CSF1R: variants seen among roughly 807,000 people sequenced by gnomAD.
The protein encoded by CSF1R is macrophage colony-stimulating factor 1 receptor.
Under a neutral mutation model 110.0 loss-of-function variants are expected in CSF1R, and 40 were observed. The ratio of observed to expected loss-of-function variants is 0.36; its 90% CI spans 0.28 to 0.47. The LOEUF is 0.47. CSF1R is among the 20% of genes least tolerant of loss of function. CSF1R has a pLI of 0.99. For synonymous variants in CSF1R, 523 were observed against 503.4 expected (o/e 1.04, Z -0.52); for missense variants, 1,052 against 1,253.0 (o/e 0.84, Z 2.42).
At chr5:150,061,671 C>T (rs1351780159) in intron 11 of CSF1R, 52 bp downstream of exon 11, 1 of 1,614,144 alleles carries the variant, frequency 6.2e-7, no homozygotes, top group Admixed American at 1.7e-5. Context: ...CTCCCTGCAA[C>T]CCCCACAGGC....
At chr5:150,077,519 AT>A in intron 4 of CSF1R, 84 bp from the exon 5 acceptor site, 1 of 1,420,794 alleles carries the variant, frequency 7.0e-7, no homozygotes, top group Non-Finnish European at 9.7e-7. Flanking sequence ...GCCTTTAAGG[AT>A]TACTATCTGC....
At chr5:150,099,707 G>A (rs1759338573) in intron 1 of CSF1R, among the ~76,000 whole-genome samples, 1 of 150,762 alleles carries the variant, frequency 6.6e-6, no homozygotes, top group African/African-American at 2.4e-5. Context: ...GCTGCCAGGG[G>A]CTGGAGATGG....
chr5:150,069,516 T>C (rs1295111856), intron 9 of CSF1R, among the ~76,000 whole-genome samples: 9 of 152,140 alleles, frequency 5.9e-5, no homozygotes, highest in Admixed American at 5.9e-4. Context: ...CTCTGAGCTC[T>C]GGGGAGGCAC....
At position 150,057,545 on chromosome 5, in the gene CSF1R, C is replaced by T. The variant is rs1240901881; in HGVS notation, c.2180G>A (p.Arg727Lys). The change falls in exon 15 of 21, where the codon AGG becomes AAG. Residue 727 changes from arginine (R) to lysine (K), a missense_variant. Physicochemically the swap from Arg to Lys is conservative, Grantham distance 26 (BLOSUM62 2). Coordinates refer to ENST00000675795, the MANE Select transcript of CSF1R (RefSeq NM_001288705.3). ...SQGVDTYVEM[R>K]PVSTSSNDSF... ...GTCATTTGAAGAAGTGGAGACAGGC[C>T]TCATCTCCACATAGGTGTCCACACC... 1 of 1,614,232 alleles carries T rather than the reference C, an allele frequency of 6.2e-7. No homozygotes were observed. The highest frequency in any genetic ancestry group is 8.5e-7 in the Non-Finnish European group (1 of 1,180,034).
intron 10 of CSF1R, among the ~76,000 whole-genome samples, chr5:150,065,986 T>C (rs537555572): frequency 3.3e-5 from 5 of 152,294 alleles, no homozygotes; most frequent in African/African-American, 9.6e-5. Flanking sequence ...TTCAGTTCCA[T>C]GTAAGGAAGA....
Position 150,080,882 on chromosome 5 carries a change from G to A in CSF1R, c.192C>T (p.Gly64=), listed in dbSNP as rs56282370. ...TGTTGGTGCTGAGGATGCTGCTGGA[G>A]CCATCAGAGTACAGGGTCCAGTGAG... is the stretch of plus-strand genomic sequence containing the variant. ...PSPHWTLYSD[G]SSSILSTNNA... The change falls in exon 2 of 21, where the codon GGC becomes GGT. Residue 64 remains glycine, a synonymous_variant. Transcript: ENST00000675795. 8.3e-4 allele frequency: 1,342 copies of A among 1,614,166 alleles called. 24 individuals carry two copies. In the East Asian group the frequency reaches 0.028, roughly 33 times the overall value.
At chr5:150,112,588 C>A (rs1206634654) in intron 1 of CSF1R, among the ~76,000 whole-genome samples, 1 of 152,248 alleles carries the variant, frequency 6.6e-6, no homozygotes, top group African/African-American at 2.4e-5. Flanking sequence ...GGAATGTGGG[C>A]TAGTTATTTT....
In CSF1R at chr5:150,053,957, T is replaced by C; in HGVS notation, c.*112A>G. The C allele has an allele frequency of 9.1e-7, 1 of 1,093,138 alleles. No individual in the cohort carries two copies. The highest frequency in any genetic ancestry group is 1.3e-6 in the Non-Finnish European group (1 of 744,836). 67.7% of individuals were successfully genotyped at this position (1,093,138 alleles called of 1,614,324 possible). Reference sequence around the variant, plus strand: ...CCCAAGTTTCAGAGCTGGGCCGAGCTGTTGAGTGAAATGACCGAAGGCAGA... The same window carrying C: ...CCCAAGTTTCAGAGCTGGGCCGAGCCGTTGAGTGAAATGACCGAAGGCAGA... On this transcript the variant is annotated 3_prime_UTR_variant, in exon 21 of 21. Transcript: ENST00000675795.
At position 150,070,549 on chromosome 5, in the gene CSF1R, G is replaced by T; in HGVS notation, c.1105C>A (p.Pro369Thr). 4 of 1,543,598 alleles carry T rather than the reference G, an allele frequency of 2.6e-6. No homozygotes were observed. The highest frequency in any genetic ancestry group is 3.5e-6 in the Non-Finnish European group (4 of 1,143,516). Residue 369 changes from proline (P) to threonine (T), a missense_variant, in exon 7 of 21, where the codon CCC (proline) becomes ACC (threonine). By Grantham distance (38) the Pro-to-Thr change is conservative. Transcript: ENST00000675795. ...TYRHTFTLSLPRLKPSEAGRY... is the reference protein window; with the variant it reads ...TYRHTFTLSLTRLKPSEAGRY... ...CCAGCCTCAGAGGGCTTCAGGCGGGGCAGAGAGAGGGTGAAGGTGTGCCTG... is the reference window on the plus strand; with the variant it reads ...CCAGCCTCAGAGGGCTTCAGGCGGGTCAGAGAGAGGGTGAAGGTGTGCCTG...
At position 150,054,168 on chromosome 5, in the gene CSF1R, ACTGCTGCTGCTGCCGCTGCCACCGCTT is replaced by A. The variant is rs1313849223; in HGVS notation, c.2793_2819del (p.Arg931_Ser939del). On this transcript the variant is annotated inframe_deletion, in exon 21 of 21. Coordinates refer to ENST00000675795, the MANE Select transcript of CSF1R (RefSeq NM_001288705.3). ...CACTAGAGCTCTCCTCCTCCAGCTC[ACTGCTGCTGCTGCCGCTGCCACCGCTT>A]CTGCTGCTGCTCGGCAGATTGGTAT... The A allele has an allele frequency of 1.1e-5, 17 of 1,612,810 alleles. No individual in the cohort carries two copies. The highest frequency in any genetic ancestry group is 4.4e-5 in the South Asian group (4 of 90,914).
intron 18 of CSF1R, 101 bp from the exon 19 acceptor site, chr5:150,055,437 A>T: frequency 1.1e-6 from 1 of 935,806 alleles, no homozygotes; most frequent in Non-Finnish European, 1.7e-6. Context: ...GTCCCACTTG[A>T]CAACACTGCA....
intron 5 of CSF1R, among the ~76,000 whole-genome samples, chr5:150,073,837 C>A (rs952532007): frequency 2.6e-5 from 4 of 152,232 alleles, no homozygotes; most frequent in African/African-American, 9.6e-5. Context: ...CACACATACA[C>A]ACACAATTTC....
intron 14 of CSF1R, among the ~76,000 whole-genome samples, chr5:150,058,984 G>C (rs956858566): frequency 3.5e-4 from 54 of 152,150 alleles, no homozygotes; most frequent in Non-Finnish European, 7.2e-4. Flanking sequence ...ATGTGGCTCT[G>C]TCTGTTGGAT....
At chr5:150,109,266 C>T (rs1305473116) in intron 1 of CSF1R, among the ~76,000 whole-genome samples, 1 of 152,268 alleles carries the variant, frequency 6.6e-6, no homozygotes, top group Non-Finnish European at 1.5e-5. Flanking sequence ...GCCTCAACCT[C>T]CTCATCTGGA....
At chr5:150,104,272 A>G (rs1759484616) in intron 1 of CSF1R, among the ~76,000 whole-genome samples, 1 of 152,260 alleles carries the variant, frequency 6.6e-6, no homozygotes, top group African/African-American at 2.4e-5. Flanking sequence ...ATAACCAGCA[A>G]GAGGGGTGGA....
rs751974904 is a variant in CSF1R, at chr5:150,054,130, C to T, written c.2858G>A (p.Cys953Tyr). 6 of 1,613,856 alleles carry T rather than the reference C, an allele frequency of 3.7e-6. No homozygotes were observed. The African/African-American group carries it at 5.3e-5, about 14-fold the overall frequency. Reference protein sequence around the residue: ...EEESSSEHLTCCEQGDIAQPL... With the variant: ...EEESSSEHLTYCEQGDIAQPL... Reference sequence around the variant, plus strand: ...CTGGGCGATATCCCCTTGCTCGCAGCAGGTCAGGTGCTCACTAGAGCTCTC... The same window carrying T: ...CTGGGCGATATCCCCTTGCTCGCAGTAGGTCAGGTGCTCACTAGAGCTCTC... The change falls in exon 21 of 21, where the codon TGC becomes TAC. Residue 953 changes from cysteine to tyrosine, a missense_variant. Cys to Tyr is a radical substitution (Grantham distance 194). This residue lies in a region of CSF1R where 85 missense variants were observed against 78.8 expected (regional missense o/e 1.08). Transcript: ENST00000675795.
intron 5 of CSF1R, among the ~76,000 whole-genome samples, chr5:150,074,068 G>A (rs1018402224): frequency 2.0e-5 from 3 of 152,118 alleles, no homozygotes; most frequent in African/African-American, 7.2e-5. Flanking sequence ...TCATTTTACT[G>A]GTGTTGCTGG....
At position 150,096,316 on chromosome 5, in the gene CSF1R, G is replaced by A. The variant is rs191667854; in HGVS notation, c.-180-9709C>T. Among the ~76,000 whole-genome samples the A allele has an allele frequency of 9.1e-4, 139 of 152,268 alleles. 1 individual carries two copies. The highest frequency in any genetic ancestry group is 3.2e-3 in the African/African-American group (134 of 41,558). ...GAGGTAGGAGAATTGCTTGAACCCGGGAGGCAGAGGTTGCTGTGAGCTGAG... is the reference window on the plus strand; with the variant it reads ...GAGGTAGGAGAATTGCTTGAACCCGAGAGGCAGAGGTTGCTGTGAGCTGAG... On this transcript the variant is annotated intron_variant, in intron 1 of 21. Transcript: ENST00000286301.
chr5:150,058,356 G>A lies in CSF1R; in HGVS notation c.2133-764C>T, dbSNP rs1301958812. 1.3e-5 allele frequency: 6 copies of A among 456,044 alleles called. No individual in the cohort carries two copies. In the East Asian group the frequency reaches 3.5e-4, roughly 26 times the overall value. 28.2% of individuals were successfully genotyped at this position (456,044 alleles called of 1,614,324 possible). A position where few individuals can be genotyped will look rare whatever the true frequency, so the allele number is the denominator to read the frequency against. ...CTGCTCCTAACGTTCCAGCCAGATA[G>A]GATTTCTCTCTCCCTCCTGTCCCCT... On this transcript the variant is annotated intron_variant, in intron 14 of 20. Transcript: ENST00000675795.
Sources: allele counts gnomAD v4.1 joint callset (sites outside exome capture counted in the v4.1 genomes callset), GRCh38; gene constraint gnomAD v4.1.1; regional missense constraint gnomAD v4.1.1; transcripts MANE v1.5; gene names NCBI Gene and HGNC (gene_info 2026-07-23, HGNC 2026-07-21).